ACTN2: variants seen among roughly 807,000 people sequenced by gnomAD.
ACTN2 encodes the protein actinin alpha 2, also known as alpha-actinin-2.
In ACTN2, 39 loss-of-function variants were observed where a neutral mutation model predicts 113.8. The ratio of observed to expected loss-of-function variants is 0.34; its 90% confidence interval spans 0.27 to 0.45. ACTN2 has a LOEUF of 0.45. Among genes scored for constraint, ACTN2 ranks in the 20% least tolerant of loss-of-function variants. The pLI is 1.00. For synonymous variants in ACTN2, 429 were observed against 444.1 expected (o/e 0.97, Z 0.43); for missense variants, 992 against 1,177.9 (o/e 0.84, Z 2.31).
At chr1:236,748,742 A>C (rs1430099049) in intron 13 of ACTN2, among the ~76,000 whole-genome samples, 6 of 152,228 alleles carry the variant, frequency 3.9e-5, no homozygotes, top group Admixed American at 3.3e-4. Flanking sequence ...AAAACGTGGA[A>C]GATGCCCTGC....
At chr1:236,737,319 T>TATATATATATATATATATATATATATG (rs1658918625) in intron 9 of ACTN2, 105 bp downstream of exon 9, 1 of 126,810 alleles carries the variant, frequency 7.9e-6, no homozygotes, top group Non-Finnish European at 1.8e-5. Context: ...ATATATATAT[T>TATATATATATATATATATATATATATG]TTGCATTTTT....
At chr1:236,718,808 A>G in intron 2 of ACTN2, 86 bp from the exon 3 acceptor site, 3 of 1,593,822 alleles carry the variant, frequency 1.9e-6, no homozygotes, top group Non-Finnish European at 2.6e-6. Flanking sequence ...TTTTAAGGAA[A>G]AGATGGATGC....
chr1:236,739,406 C>T lies in ACTN2; in HGVS notation c.981C>T (p.Arg327=), dbSNP rs749234035. Reference sequence around the variant, plus strand: ...AGCTGGAGGACTTCCGGGATTACCGCCGGAAGCACAAGCCACCCAAGGTGC... The same window carrying T: ...AGCTGGAGGACTTCCGGGATTACCGTCGGAAGCACAAGCCACCCAAGGTGC... ...QKKLEDFRDY[R]RKHKPPKVQE... Residue 327 remains arginine, a synonymous_variant, in exon 10 of 21, where the codon CGC becomes CGT. Transcript: ENST00000366578. The T allele has an allele frequency of 1.9e-6, 3 of 1,614,080 alleles. No homozygotes were observed. Among genetic ancestry groups the T allele is most frequent in the Non-Finnish European group, 2.5e-6 (3 of 1,180,028 alleles).
chr1:236,704,771 T>G (rs1054620456), intron 1 of ACTN2, among the ~76,000 whole-genome samples: 5 of 152,120 alleles, frequency 3.3e-5, no homozygotes, highest in Non-Finnish European at 5.9e-5. Flanking sequence ...CTCTCCAAAC[T>G]CCATCCTCGT....
rs774302653 is a variant in ACTN2 at position 236,758,452 on chromosome 1, ATT to A, written c.2301+836_2301+837del. 6.7e-3 allele frequency among the ~76,000 whole-genome samples: 865 copies of A among 128,318 alleles called. 10 individuals are homozygous for A. The highest frequency in any genetic ancestry group is 0.024 in the African/African-American group (821 of 33,856). The allele number at this position is 128,318 out of a possible 152,430, so 84.2% of individuals were successfully genotyped here. A position where few individuals can be genotyped will look rare whatever the true frequency, so the allele number is the denominator to read the frequency against. On this transcript the variant is annotated intron_variant, in intron 18 of 20. Coordinates refer to ENST00000366578, the MANE Select transcript of ACTN2 (RefSeq NM_001103.4). ...AGGCACCTGCCACCATGCCTGGCTA[ATT>A]TTTTTTTTTTTTTTTCAGTAGAGAC...
rs397516579 is a variant in ACTN2, at chr1:236,718,995, G to A, written c.343G>A (p.Val115Met). The change falls in exon 3 of 21, where the codon GTG (valine) becomes ATG (methionine). Residue 115 changes from valine (V) to methionine (M), a missense_variant. Transcript: ENST00000366578. ...DYIASKGVKL[V>M]SIGAEEIVDG... is the part of the protein sequence containing the mutation. ...CATAGCCAGCAAAGGGGTGAAACTG[G>A]TGTCCATTGGCGCTGAAGGTGAGAG... The A allele has an allele frequency of 6.2e-7, 1 of 1,614,110 alleles. No homozygotes were observed. The highest frequency in any genetic ancestry group is 8.5e-7 in the Non-Finnish European group (1 of 1,180,024).
At position 236,760,990 on chromosome 1, in the gene ACTN2, A is replaced by T. The variant is rs113776296; in HGVS notation, c.2368-25A>T. The T allele has an allele frequency of 1.8e-3, 2,940 of 1,614,200 alleles. 54 individuals carry two copies. In the African/African-American group the frequency reaches 0.035, roughly 19 times the overall value. ...TGAGAGTTGTGTACCGTTCGTGTAC[A>T]TGTTTCTTTGCCACTTTGCCCCAGG... is the stretch of plus-strand genomic sequence containing the variant. On this transcript the variant is annotated intron_variant, in intron 19 of 20. Coordinates refer to ENST00000366578, the MANE Select transcript of ACTN2 (RefSeq NM_001103.4).
At chr1:236,760,975 G>T in intron 19 of ACTN2, 40 bp from the exon 20 acceptor site, 2 of 1,613,950 alleles carry the variant, frequency 1.2e-6, no homozygotes, top group Middle Eastern at 1.7e-4. Flanking sequence ...TGAGAGTTGT[G>T]TACCGTTCGT....
chr1:236,718,513 T>C (rs1658288393), intron 2 of ACTN2, among the ~76,000 whole-genome samples: 1 of 152,226 alleles, frequency 6.6e-6, no homozygotes, highest in Non-Finnish European at 1.5e-5. Context: ...GAACGAGCCC[T>C]GGCAGCCACC....
intron 20 of ACTN2, among the ~76,000 whole-genome samples, chr1:236,761,432 C>CATGTGTGT (rs113972650): frequency 1.3e-5 from 2 of 150,426 alleles, no homozygotes; most frequent in African/African-American, 4.9e-5. Flanking sequence ...TTTGTACTTG[C>CATGTGTGT]GTGTGTGTGT....
chr1:236,715,428 C>G (rs1029443933), intron 1 of ACTN2, among the ~76,000 whole-genome samples: 4 of 150,930 alleles, frequency 2.7e-5, no homozygotes, highest in African/African-American at 9.8e-5. Context: ...ATAATCTTAC[C>G]TTCAAAAAAC....
intron 1 of ACTN2, among the ~76,000 whole-genome samples, chr1:236,695,854 G>T (rs983549187): frequency 1.3e-5 from 2 of 152,112 alleles, no homozygotes; most frequent in African/African-American, 4.8e-5. Flanking sequence ...TTGCTAGGGG[G>T]TAAATGTGTT....
chr1:236,721,015 G>GGTTTTTTTTTTTTTTTTTTTTTTTTTT lies in ACTN2; in HGVS notation c.448+824_448+825insGTTTTTTTTTTTTTTTTTTTTTTTTTT. 5.5e-3 allele frequency among the ~76,000 whole-genome samples: 268 copies of GGTTTTTTTTTTTTTTTTTTTTTTTTTT among 49,174 alleles called. 122 individuals carry two copies. The highest frequency in any genetic ancestry group is 7.0e-3 in the South Asian group (8 of 1,146). 32.3% of individuals were successfully genotyped at this position (49,174 alleles called of 152,430 possible). Reference sequence around the variant, plus strand: ...ACAGTAGCCTCTGACTCTGGTTTTTGTTTTTTGTTTTTTTTTTTTTTTTTT... The same window carrying GGTTTTTTTTTTTTTTTTTTTTTTTTTT: ...ACAGTAGCCTCTGACTCTGGTTTTTGGTTTTTTTTTTTTTTTTTTTTTTTTTTTTTTTTGTTTTTTTTTTTTTTTTTT... On this transcript the variant is annotated intron_variant, in intron 4 of 20. Coordinates refer to ENST00000366578, the MANE Select transcript of ACTN2 (RefSeq NM_001103.4).
intron 8 of ACTN2, chr1:236,736,519 A>G: frequency 7.6e-7 from 1 of 1,311,790 alleles, no homozygotes; most frequent in Non-Finnish European, 1.1e-6. Flanking sequence ...ACGAAAGATG[A>G]CAGAGAATTG....
At chr1:236,693,376 G>A (rs761978666) in intron 1 of ACTN2, among the ~76,000 whole-genome samples, 2 of 152,114 alleles carry the variant, frequency 1.3e-5, no homozygotes, top group Non-Finnish European at 2.9e-5. Flanking sequence ...CACCACCATG[G>A]CCCTTAAGGA....
chr1:236,706,634 A>T (rs1258891950), intron 1 of ACTN2, among the ~76,000 whole-genome samples: 1 of 152,298 alleles, frequency 6.6e-6, no homozygotes, highest in South Asian at 2.1e-4. Context: ...GTATCAGTGT[A>T]TATTTCAGTG....
At chr1:236,692,853 A>T (rs539072614) in intron 1 of ACTN2, among the ~76,000 whole-genome samples, 1 of 152,288 alleles carries the variant, frequency 6.6e-6, no homozygotes, top group South Asian at 2.1e-4. Flanking sequence ...ACGCAGCCTC[A>T]GAAAACTGTC....
rs892147948 is a variant in ACTN2, at chr1:236,725,956, C to T, written c.472C>T (p.Leu158=). ...AGAAACATCTGCCAAAGAAGGTCTG[C>T]TGCTTTGGTGTCAGAGGAAAACTGC... The part of the protein sequence containing the change: ...VEETSAKEGL[L]LWCQRKTAPY... The change falls in exon 5 of 21, where the codon CTG becomes TTG. Residue 158 remains leucine (L), a synonymous_variant. Transcript: ENST00000366578. 1.2e-6 allele frequency: 2 copies of T among 1,614,196 alleles called. No individual in the cohort carries two copies. Among genetic ancestry groups the T allele is most frequent in the South Asian group, 1.1e-5 (1 of 91,072 alleles).
Position 236,761,131 on chromosome 1 carries a change from C to T in ACTN2, c.2484C>T (p.Ala828=), listed in dbSNP as rs397516576. 7.4e-6 allele frequency: 12 copies of T among 1,614,046 alleles called. No homozygotes were observed. The highest frequency in any genetic ancestry group is 4.0e-5 in the African/African-American group (3 of 74,936). The change falls in exon 20 of 21, where the codon GCC becomes GCT. Residue 828 remains alanine (A), a synonymous_variant. Transcript: ENST00000366578. ...GAGAGACGGCTGACACCGACACTGCCGAGCAGGTCATCGCCTCCTTCCGGA... is the reference window on the plus strand; with the variant it reads ...GAGAGACGGCTGACACCGACACTGCTGAGCAGGTCATCGCCTCCTTCCGGA... ...MTRETADTDT[A]EQVIASFRIL... is the part of the protein sequence containing the mutation.
Sources: gnomAD v4.1 joint callset for allele counts (sites outside exome capture counted in the v4.1 genomes callset) on GRCh38, gnomAD v4.1.1 for gene constraint, MANE v1.5 for transcripts, NCBI Gene and HGNC (gene_info 2026-07-23, HGNC 2026-07-21) for gene names.